The following TLL2 variants were observed in gnomAD, a reference collection of about 807,000 sequenced individuals.
TLL2 encodes the protein tolloid-like protein 2.
A neutral mutation model predicts 123.0 loss-of-function variants in TLL2; 106 were observed. That is an observed-to-expected ratio of 0.86 (90% CI 0.74 to 1.01). The LOEUF (loss-of-function observed/expected upper bound fraction) is 1.01. Ranked by LOEUF, TLL2 falls within the 50% of genes least tolerant of loss-of-function variation. TLL2 has a pLI of 0.00. For synonymous variants in TLL2, 494 were observed against 516.8 expected, an observed-to-expected ratio of 0.96 and a Z score of 0.60; for missense variants, 1,332 against 1,336.7, an observed-to-expected ratio of 1.00 and a Z score of 0.06.
intron 1 of TLL2, among the ~76,000 whole-genome samples, chr10:96,502,918 G>A (rs1381380783): frequency 6.6e-6 from 1 of 152,204 alleles, no homozygotes; most frequent in Non-Finnish European, 1.5e-5. Flanking sequence ...ATGCGGGCGA[G>A]CTTGAGAATA....
Position 96,405,248 on chromosome 10 carries a change from T to C in TLL2, c.1251A>G (p.Arg417=), listed in dbSNP as rs767056109. 9.9e-6 allele frequency: 16 copies of C among 1,614,128 alleles called. No homozygotes were observed. The South Asian group carries it at 1.6e-4, about 17-fold the overall frequency. ...TCAACTTACCCAAAAGGGGGGCTTT[T>C]CTCCAGTAACCATCCCGGACCTCCA... The part of the protein sequence containing the change: ...DYVEVRDGYW[R]KAPLLGRFCG... Residue 417 remains arginine, a synonymous_variant, in exon 10 of 21, where the codon AGA becomes AGG. Coordinates refer to ENST00000357947, the MANE Select transcript of TLL2 (RefSeq NM_012465.4).
chr10:96,469,806 T>A (rs1225354280), intron 2 of TLL2, among the ~76,000 whole-genome samples: 1 of 152,182 alleles, frequency 6.6e-6, no homozygotes, highest in Non-Finnish European at 1.5e-5. Flanking sequence ...ATTAGCATAT[T>A]TTACATAAGG....
rs185562728 is a variant in TLL2 at position 96,421,348 on chromosome 10, C to T, written c.818-287G>A. ...GATTAGTTATCAACTTGCTTGCCCC[C>T]GCAAAAAATAAAAAATAAAAATAAA... is the stretch of plus-strand genomic sequence containing the variant. On this transcript the variant is annotated intron_variant, in intron 6 of 20. Coordinates refer to ENST00000357947, the MANE Select transcript of TLL2 (RefSeq NM_012465.4). Among the ~76,000 whole-genome samples the T allele has an allele frequency of 1.1e-3, 162 of 151,986 alleles. 1 individual carries two copies. Among genetic ancestry groups the T allele is most frequent in the African/African-American group, 3.6e-3 (148 of 41,468 alleles).
Position 96,513,727 on chromosome 10 carries a change from G to GA in TLL2, c.-43dup. ...CTGGGGCAGAGGGAGTTGCGTGCAC[G>GA]AAAGCTCAGCTCGGCCGAAAGACGG... On this transcript the variant is annotated 5_prime_UTR_variant, in exon 1 of 21. Transcript: ENST00000357947. 1 of 1,450,932 alleles carries GA rather than the reference G, an allele frequency of 6.9e-7. No individual in the cohort carries two copies. Among genetic ancestry groups the GA allele is most frequent in the Non-Finnish European group, 9.0e-7 (1 of 1,106,156 alleles). 89.9% of individuals were successfully genotyped at this position (1,450,932 alleles called of 1,614,324 possible). A position where few individuals can be genotyped will look rare whatever the true frequency, so the allele number is the denominator to read the frequency against.
chr10:96,376,744 C>A lies in TLL2; in HGVS notation c.2396G>T (p.Arg799Leu), dbSNP rs776255041. 1 of 1,606,286 alleles carries A rather than the reference C, an allele frequency of 6.2e-7. No individual in the cohort carries two copies. Among genetic ancestry groups the A allele is most frequent in the Non-Finnish European group, 8.5e-7 (1 of 1,176,932 alleles). Residue 799 changes from arginine (R) to leucine (L), a missense_variant, in exon 18 of 21, where the codon CGG (arginine) becomes CTG (leucine). Transcript: ENST00000357947. ...SPNWPDKYPS[R>L]RECTWNISST... ...AGAGATGTTCCAGGTACACTCCCTC[C>A]GGCTGGGGTATTTGTCAGGCCAGTT...
At chr10:96,369,983 T>A in intron 20 of TLL2, 82 bp downstream of exon 20, 2 of 1,477,956 alleles carry the variant, frequency 1.4e-6, no homozygotes, top group Non-Finnish European at 1.8e-6. Context: ...TGGCCGGGAC[T>A]GAAAGCCGGG....
chr10:96,459,902 C>T (rs1176685387), intron 2 of TLL2, among the ~76,000 whole-genome samples: 1 of 150,660 alleles, frequency 6.6e-6, no homozygotes, highest in East Asian at 1.9e-4. Flanking sequence ...CAAAATAAAA[C>T]CCAAATGGAT....
chr10:96,505,633 G>A (rs1847571300), intron 1 of TLL2, among the ~76,000 whole-genome samples: 1 of 152,130 alleles, frequency 6.6e-6, no homozygotes, highest in Admixed American at 6.5e-5. Flanking sequence ...GCCGTGGAGT[G>A]GTAGAGCCAG....
At chr10:96,409,169 T>C (rs535255838) in intron 9 of TLL2, among the ~76,000 whole-genome samples, 1 of 152,344 alleles carries the variant, frequency 6.6e-6, no homozygotes, top group East Asian at 1.9e-4. Flanking sequence ...GGTTTTTCAC[T>C]CAGCCCCTCA....
At chr10:96,385,509 A>AC (rs1364544708) in intron 15 of TLL2, among the ~76,000 whole-genome samples, 1 of 151,838 alleles carries the variant, frequency 6.6e-6, no homozygotes, top group African/African-American at 2.4e-5. Flanking sequence ...TCAAGGTGAG[A>AC]CCCCCAGCTC....
intron 3 of TLL2, among the ~76,000 whole-genome samples, chr10:96,442,185 C>G (rs1210871167): frequency 1.3e-5 from 2 of 152,122 alleles, no homozygotes; most frequent in Non-Finnish European, 2.9e-5. Flanking sequence ...AGCCCTTTCC[C>G]CCTCCCCAAA....
intron 18 of TLL2, 67 bp downstream of exon 18, chr10:96,376,623 CAG>C: frequency 6.5e-7 from 1 of 1,549,178 alleles, no homozygotes; most frequent in Non-Finnish European, 8.8e-7. Context: ...AGTGGCAGAG[CAG>C]AGACTCAAAC....
At chr10:96,394,063 A>G (rs568361435) in intron 13 of TLL2, among the ~76,000 whole-genome samples, 48 of 152,254 alleles carry the variant, frequency 3.2e-4, no homozygotes, top group African/African-American at 1.1e-3. Context: ...TTCTTTTGAC[A>G]CCCAGGCTGT....
intron 2 of TLL2, among the ~76,000 whole-genome samples, chr10:96,462,701 T>A (rs758241754): frequency 9.2e-5 from 14 of 152,214 alleles, no homozygotes; most frequent in Non-Finnish European, 1.9e-4. Flanking sequence ...GTCATTAACA[T>A]TGGATTCCCA....
At chr10:96,386,495 C>T (rs190496612) in intron 14 of TLL2, among the ~76,000 whole-genome samples, 12 of 152,266 alleles carry the variant, frequency 7.9e-5, no homozygotes, top group Non-Finnish European at 1.3e-4. Flanking sequence ...ATGGCTTGGG[C>T]CAAAGGAGAA....
intron 2 of TLL2, among the ~76,000 whole-genome samples, chr10:96,447,228 G>A (rs1257156935): frequency 1.1e-4 from 17 of 152,246 alleles, no homozygotes; most frequent in Admixed American, 1.1e-3. Context: ...GTGGGCAAGT[G>A]GGAACAGGGC....
chr10:96,460,143 T>C (rs369120706), intron 2 of TLL2, among the ~76,000 whole-genome samples: 29 of 152,274 alleles, frequency 1.9e-4, no homozygotes, highest in Middle Eastern at 6.8e-3. Context: ...AAACCACTCA[T>C]ATAAGGGAAA....
intron 1 of TLL2, among the ~76,000 whole-genome samples, chr10:96,509,467 C>T (rs987570052): frequency 9.2e-5 from 14 of 152,194 alleles, no homozygotes; most frequent in African/African-American, 1.7e-4. Context: ...TCCTCAAAGG[C>T]GCTCCCAGTG....
At chr10:96,421,663 CA>C (rs35084852) in intron 6 of TLL2, among the ~76,000 whole-genome samples, 43,519 of 119,826 alleles carry the variant, frequency 0.36, 6,801 homozygotes, top group Non-Finnish European at 0.39. Flanking sequence ...GACTCTGTCT[CA>C]AAAAAAAAAA....
Sources: allele counts gnomAD v4.1 joint callset (sites outside exome capture counted in the v4.1 genomes callset), GRCh38; gene constraint gnomAD v4.1.1; transcripts MANE v1.5; gene names NCBI Gene and HGNC (gene_info 2026-07-23, HGNC 2026-07-21).